ZNF584: variants seen among roughly 807,000 people sequenced by gnomAD.
ZNF584 encodes zinc finger protein 584.
In ZNF584, 12 loss-of-function variants were observed where a neutral mutation model predicts 14.7. The ratio of observed to expected loss-of-function variants is 0.82; its 90% CI spans 0.52 to 1.32. The LOEUF is 1.32. ZNF584 is among the 40% of genes most tolerant of loss of function. ZNF584 has a pLI of 0.00. For missense variants in ZNF584, 478 were observed against 518.8 expected (o/e 0.92, Z 0.76); for synonymous variants, 204 against 190.9 (o/e 1.07, Z -0.57).
intron 2 of ZNF584, among the ~76,000 whole-genome samples, chr19:58,412,226 G>A (rs1181609439): frequency 4.1e-5 from 4 of 98,418 alleles, no homozygotes; most frequent in African/African-American, 3.3e-4. Flanking sequence ...TTTTTGAGAC[G>A]GAGTCTCGCT....
chr19:58,401,737 TC>T (rs2052432292), intron 1 of ZNF584: 1 of 148,852 alleles, frequency 6.7e-6, no homozygotes, highest in Non-Finnish European at 1.5e-5. Flanking sequence ...CGGGGACGAG[TC>T]TGTGGCACAG....
intron 1 of ZNF584, among the ~76,000 whole-genome samples, chr19:58,402,582 G>A (rs1444640816): frequency 1.3e-5 from 2 of 152,082 alleles, no homozygotes; most frequent in African/African-American, 4.8e-5. Context: ...CACCACTTTG[G>A]GAGGCTGAGG....
chr19:58,403,849 G>A (rs562528310), upstream of ZNF584, among the ~76,000 whole-genome samples: 8 of 150,922 alleles, frequency 5.3e-5, no homozygotes, highest in South Asian at 6.3e-4. Context: ...CGCGCTTGTC[G>A]TCCCAGCTAT....
intron 3 of ZNF584, 145 bp downstream of exon 3, chr19:58,415,791 A>C: frequency 6.2e-7 from 1 of 1,609,342 alleles, no homozygotes; most frequent in Non-Finnish European, 8.5e-7. Context: ...GACACTGTGC[A>C]GTCTGCCATC....
chr19:58,403,503 G>T (rs1027002917), intron 1 of ZNF584, among the ~76,000 whole-genome samples: 1 of 128,990 alleles, frequency 7.8e-6, no homozygotes, highest in Non-Finnish European at 1.7e-5. Flanking sequence ...GACTGCCAGG[G>T]ACTCAGTGGG....
Position 58,412,199 on chromosome 19 carries a change from C to CTTTTTTTTTT in ZNF584, c.169+2120_169+2129dup, listed in dbSNP as rs35188048. ...GTTTCACCATGTTGGCCAGGGTGGT[C>CTTTTTTTTTT]TTTTTTTTTTTTTTTTTTTTTGAGA... On this transcript the variant is annotated intron_variant, in intron 2 of 3. Transcript: ENST00000306910. Among the ~76,000 whole-genome samples the CTTTTTTTTTT allele has an allele frequency of 1.4e-4, 12 of 83,932 alleles. 2 individuals carry two copies. Among genetic ancestry groups the CTTTTTTTTTT allele is most frequent in the African/African-American group, 6.5e-4 (11 of 16,994 alleles). 55.1% of individuals were successfully genotyped at this position (83,932 alleles called of 152,430 possible). A position where few individuals can be genotyped will look rare whatever the true frequency, so the allele number is the denominator to read the frequency against.
Position 58,417,521 on chromosome 19 carries a change from T to C in ZNF584, c.1003T>C (p.Tyr335His). 2 of 1,614,196 alleles carry C rather than the reference T, an allele frequency of 1.2e-6. No individual in the cohort carries two copies. The highest frequency in any genetic ancestry group is 1.7e-6 in the Non-Finnish European group (2 of 1,180,034). ...PFECKQCGKG[Y>H]VTRSGLYQHW... ...TGAATGCAAGCAATGTGGGAAAGGC[T>C]ACGTGACCCGTTCAGGCCTCTATCA... is the stretch of plus-strand genomic sequence containing the variant. Residue 335 changes from tyrosine to histidine, a missense_variant, in exon 4 of 4, where the codon TAC becomes CAC. Around this residue, in one of 3 missense-constraint regions of ZNF584, gnomAD observed 283 missense variants for 317.3 expected, o/e 0.89. Coordinates refer to ENST00000306910, the MANE Select transcript of ZNF584 (RefSeq NM_173548.3).
At position 58,408,965 on chromosome 19, in the gene ZNF584, C is replaced by T; in HGVS notation, c.-183C>T. 1.5e-6 allele frequency: 1 copy of T among 649,918 alleles called. No homozygotes were observed. The highest frequency in any genetic ancestry group is 2.4e-6 in the Non-Finnish European group (1 of 423,792). 40.3% of individuals were successfully genotyped at this position (649,918 alleles called of 1,614,324 possible). A position where few individuals can be genotyped will look rare whatever the true frequency, so the allele number is the denominator to read the frequency against. On this transcript the variant is annotated 5_prime_UTR_variant, in exon 1 of 4. Coordinates refer to ENST00000306910, the MANE Select transcript of ZNF584 (RefSeq NM_173548.3). ...TCGCGGACAGGCGCCGTGGGTCTCC[C>T]GGGCCTCCGTACCGTCCTCCTTCCC... is the stretch of plus-strand genomic sequence containing the variant.
Position 58,410,542 on chromosome 19 carries a change from T to TTTTTTTTTTTTTTTTTTTTTTTTTTGAG in ZNF584, c.169+451_169+452insTTTTTTTTTTTTTTTTTTTTTTTTTGAG. On this transcript the variant is annotated intron_variant, in intron 2 of 3. Coordinates refer to ENST00000306910, the MANE Select transcript of ZNF584 (RefSeq NM_173548.3). The stretch of plus-strand genomic sequence containing the variant: ...AAATATATATATATATATATATATA[T>TTTTTTTTTTTTTTTTTTTTTTTTTTGAG]ATATATATATATATATGTGTATATA... Among the ~76,000 whole-genome samples the TTTTTTTTTTTTTTTTTTTTTTTTTTGAG allele has an allele frequency of 1.3e-4, 2 of 15,382 alleles. 1 individual carries two copies. Among genetic ancestry groups the TTTTTTTTTTTTTTTTTTTTTTTTTTGAG allele is most frequent in the Non-Finnish European group, 2.8e-4 (2 of 7,226 alleles). The allele number at this position is 15,382 out of a possible 152,430, so 10.1% of individuals were successfully genotyped here.
At position 58,408,829 on chromosome 19, in the gene ZNF584, G is replaced by C. The variant is rs1260170503; in HGVS notation, c.-319G>C. Reference sequence around the variant, plus strand: ...GCCTCAGGCAGCTCTGCGTGGGCCGGGGTGACTTCCTCGCGATCCCCTGCG... The same window carrying C: ...GCCTCAGGCAGCTCTGCGTGGGCCGCGGTGACTTCCTCGCGATCCCCTGCG... On this transcript the variant is annotated 5_prime_UTR_variant, in exon 1 of 4. Coordinates refer to ENST00000306910, the MANE Select transcript of ZNF584 (RefSeq NM_173548.3). 1 of 306,752 alleles carries C rather than the reference G, an allele frequency of 3.3e-6. No individual in the cohort carries two copies. 19.0% of individuals were successfully genotyped at this position (306,752 alleles called of 1,614,324 possible).
At chr19:58,412,958 T>C (rs941085530) in intron 2 of ZNF584, among the ~76,000 whole-genome samples, 3 of 152,216 alleles carry the variant, frequency 2.0e-5, no homozygotes, top group Non-Finnish European at 4.4e-5. Context: ...ACATAGTATT[T>C]CATTATTTTT....
intron 3 of ZNF584, 33 bp from the exon 4 acceptor site, chr19:58,416,778 C>A: frequency 6.6e-7 from 1 of 1,521,456 alleles, no homozygotes; most frequent in South Asian, 1.3e-5. Flanking sequence ...CCCTCTAGTT[C>A]AACTCTTAGT....
At chr19:58,415,891 C>T in intron 3 of ZNF584, 1 of 1,599,206 alleles carries the variant, frequency 6.3e-7, no homozygotes, top group Non-Finnish European at 8.5e-7. Flanking sequence ...GAGCTGTCTA[C>T]TGTTGGCGAC....
intron 3 of ZNF584, chr19:58,415,917 A>G (rs1226281952): frequency 3.1e-6 from 5 of 1,598,740 alleles, no homozygotes; most frequent in Non-Finnish European, 4.2e-6. Flanking sequence ...GCGTGTCTTG[A>G]AATGTGCACA....
chr19:58,417,491 C>G lies in ZNF584; in HGVS notation c.973C>G (p.Pro325Ala). ...LHQRVHTGER[P>A]FECKQCGKGY... Reference sequence around the variant, plus strand: ...CCAGAGAGTTCACACTGGAGAAAGGCCTTTTGAATGCAAGCAATGTGGGAA... The same window carrying G: ...CCAGAGAGTTCACACTGGAGAAAGGGCTTTTGAATGCAAGCAATGTGGGAA... Residue 325 changes from proline (P) to alanine (A), a missense_variant, in exon 4 of 4, where the codon CCT becomes GCT. Pro to Ala is a conservative substitution (Grantham distance 27, BLOSUM62 -1). Transcript: ENST00000306910. 1 of 1,614,164 alleles carries G rather than the reference C, an allele frequency of 6.2e-7. No individual in the cohort carries two copies. The highest frequency in any genetic ancestry group is 1.3e-5 in the African/African-American group (1 of 75,024).
At chr19:58,403,801 T>A (rs2052445895), upstream of ZNF584, among the ~76,000 whole-genome samples, 1 of 151,670 alleles carries the variant, frequency 6.6e-6, no homozygotes, top group Non-Finnish European at 1.5e-5. Flanking sequence ...AAACCCCAAC[T>A]CTACTAAAAA....
At chr19:58,415,400 G>A (rs745800809) in intron 2 of ZNF584, 124 bp from the exon 3 acceptor site, 6 of 1,088,594 alleles carry the variant, frequency 5.5e-6, no homozygotes, top group Non-Finnish European at 6.6e-6. Flanking sequence ...GTCTTACTGT[G>A]TTGCCCAGGC....
chr19:58,410,532 T>TATATATATATAC (rs2052533125), intron 2 of ZNF584, among the ~76,000 whole-genome samples: 1 of 21,058 alleles, frequency 4.7e-5, no homozygotes, highest in African/African-American at 2.6e-4. Flanking sequence ...TATATATATA[T>TATATATATATAC]ATATATATAT....
Position 58,408,874 on chromosome 19 carries a change from C to G in ZNF584, c.-274C>G, listed in dbSNP as rs1376921081. The G allele has an allele frequency of 7.6e-6, 3 of 395,354 alleles. No individual in the cohort carries two copies. Among genetic ancestry groups the G allele is most frequent in the African/African-American group, 6.2e-5 (3 of 48,212 alleles). 24.5% of individuals were successfully genotyped at this position (395,354 alleles called of 1,614,324 possible). ...CCTGCGCGAGGTGAAGGGCAGGGAC[C>G]TTTGCCGCGCCTTCCACGCGCCGTG... On this transcript the variant is annotated 5_prime_UTR_variant, in exon 1 of 4. Coordinates refer to ENST00000306910, the MANE Select transcript of ZNF584 (RefSeq NM_173548.3).
Sources: allele counts gnomAD v4.1 joint callset (sites outside exome capture counted in the v4.1 genomes callset), GRCh38; gene constraint gnomAD v4.1.1; regional missense constraint gnomAD v4.1.1; transcripts MANE v1.5; gene names NCBI Gene and HGNC (gene_info 2026-07-23, HGNC 2026-07-21).